SNX2: variants seen among roughly 807,000 people sequenced by gnomAD.
The protein encoded by SNX2 is sorting nexin 2, also known as sorting nexin-2.
A neutral mutation model predicts 69.9 loss-of-function variants in SNX2; 25 were observed. The ratio of observed to expected loss-of-function variants is 0.36; its 90% CI spans 0.26 to 0.50. The LOEUF (loss-of-function observed/expected upper bound fraction) is 0.50. SNX2 is among the 20% of genes least tolerant of loss of function. SNX2 has a pLI of 0.97. For missense variants in SNX2, 551 were observed against 613.3 expected (o/e 0.90, Z 1.07); for synonymous variants, 229 against 200.4 (o/e 1.14, Z -1.20).
At chr5:122,811,598 G>A (rs1753778850) in intron 7 of SNX2, among the ~76,000 whole-genome samples, 1 of 152,076 alleles carries the variant, frequency 6.6e-6, no homozygotes, top group Non-Finnish European at 1.5e-5. Flanking sequence ...TTGGGAGGCT[G>A]AGGTGGGTGG....
At chr5:122,805,415 A>T (rs549459570) in intron 6 of SNX2, among the ~76,000 whole-genome samples, 61 of 152,126 alleles carry the variant, frequency 4.0e-4, no homozygotes, top group Non-Finnish European at 6.3e-4. Context: ...TGGAGCCACC[A>T]TGCTCAGCCA....
Position 122,818,807 on chromosome 5 carries a change from T to C in SNX2, c.1007-11T>C. ...GAACACTAAAATTGCATACTTTTTT[T>C]TAAATTTCAGAACTTTCAGCCAACA... On this transcript the variant is annotated splice_polypyrimidine_tract_variant and intron_variant, in intron 10 of 14. Coordinates refer to ENST00000379516, the MANE Select transcript of SNX2 (RefSeq NM_003100.4). 6.2e-7 allele frequency: 1 copy of C among 1,605,222 alleles called. No homozygotes were observed. Among genetic ancestry groups the C allele is most frequent in the African/African-American group, 1.3e-5 (1 of 74,688 alleles).
At chr5:122,801,344 C>T (rs1197996792) in intron 3 of SNX2, among the ~76,000 whole-genome samples, 2 of 152,122 alleles carry the variant, frequency 1.3e-5, no homozygotes, top group African/African-American at 4.8e-5. Flanking sequence ...GTGGTTCACG[C>T]CTGTAATCCC....
At position 122,775,125 on chromosome 5, in the gene SNX2, C is replaced by T. The variant is rs1338652498; in HGVS notation, c.22C>T (p.Pro8Ser). The change falls in exon 1 of 15, where the codon CCT becomes TCT. Residue 8 changes from proline (P) to serine (S), a missense_variant. This residue lies in a region of SNX2 where 191 missense variants were observed against 162.9 expected (regional missense o/e 1.17). Coordinates refer to ENST00000379516, the MANE Select transcript of SNX2 (RefSeq NM_003100.4). ...GAAGATGGCGGCCGAGAGGGAACCT[C>T]CTCCGCTGGGGGACGGGAAGCCCAC... MAAEREP[P>S]PLGDGKPTDF... 6.3e-7 allele frequency: 1 copy of T among 1,593,082 alleles called. No homozygotes were observed. The highest frequency in any genetic ancestry group is 1.2e-5 in the South Asian group (1 of 86,772).
chr5:122,775,692 C>G, intron 1 of SNX2: 1 of 986,072 alleles, frequency 1.0e-6, no homozygotes, highest in Non-Finnish European at 1.2e-6. Flanking sequence ...GGTGCACTTT[C>G]CCAGGAATGG....
At chr5:122,780,576 C>CTTTTT (rs57210069) in intron 1 of SNX2, among the ~76,000 whole-genome samples, 3 of 116,922 alleles carry the variant, frequency 2.6e-5, no homozygotes, top group Admixed American at 8.3e-5. Context: ...CTTTTCTTTT[C>CTTTTT]TTTTTTTTTT....
chr5:122,828,541 A>G (rs1561480366), intron 14 of SNX2, among the ~76,000 whole-genome samples: 1 of 145,012 alleles, frequency 6.9e-6, no homozygotes, highest in African/African-American at 2.5e-5. Context: ...CTTATATCCC[A>G]TTTTTTTTTG....
chr5:122,807,939 C>T (rs888816296), intron 6 of SNX2, among the ~76,000 whole-genome samples: 13 of 152,014 alleles, frequency 8.6e-5, no homozygotes, highest in African/African-American at 2.4e-5. Context: ...TTATGTATAT[C>T]GGGTTAGAAA....
chr5:122,829,785 C>T lies in SNX2; in HGVS notation c.*137C>T, dbSNP rs928820272. The T allele has an allele frequency of 5.5e-5, 19 of 343,350 alleles. No individual in the cohort carries two copies. Among genetic ancestry groups the T allele is most frequent in the Admixed American group, 8.4e-5 (2 of 23,778 alleles). 21.3% of individuals were successfully genotyped at this position (343,350 alleles called of 1,614,324 possible). On this transcript the variant is annotated 3_prime_UTR_variant, in exon 15 of 15. Transcript: ENST00000379516. ...ACATGTGGTTTTATATACACACACA[C>T]ACACACACACACACACACACACACA...
chr5:122,808,156 G>T, intron 6 of SNX2, 121 bp from the exon 7 acceptor site: 1 of 572,278 alleles, frequency 1.7e-6, no homozygotes, highest in Non-Finnish European at 3.0e-6. Flanking sequence ...TAAGATACCA[G>T]TTACAAGTTT....
At chr5:122,828,394 C>T (rs1455562858) in intron 14 of SNX2, among the ~76,000 whole-genome samples, 3 of 151,896 alleles carry the variant, frequency 2.0e-5, no homozygotes, top group Non-Finnish European at 4.4e-5. Context: ...GTCATATAAG[C>T]TTGTTTTTAA....
At chr5:122,790,707 G>A (rs924144080) in intron 1 of SNX2, among the ~76,000 whole-genome samples, 4 of 152,202 alleles carry the variant, frequency 2.6e-5, no homozygotes, top group Non-Finnish European at 5.9e-5. Flanking sequence ...GAGAGAAAGG[G>A]TAGAAGATAG....
chr5:122,817,477 GAA>G (rs1753924206), intron 10 of SNX2, 104 bp downstream of exon 10: 3 of 736,626 alleles, frequency 4.1e-6, no homozygotes, highest in Non-Finnish European at 6.3e-6. Flanking sequence ...GCAGAAGAGA[GAA>G]AACAATCATT....
chr5:122,828,912 A>T (rs1168140467), intron 14 of SNX2, among the ~76,000 whole-genome samples: 2 of 152,058 alleles, frequency 1.3e-5, no homozygotes, highest in Admixed American at 6.5e-5. Flanking sequence ...TGAGGTCAGG[A>T]GTTTAAGACC....
chr5:122,788,008 G>A (rs1018762772), intron 1 of SNX2, among the ~76,000 whole-genome samples: 2 of 151,978 alleles, frequency 1.3e-5, no homozygotes, highest in African/African-American at 4.8e-5. Context: ...TTTACCCAAG[G>A]TTTGCTCTTG....
Position 122,829,500 on chromosome 5 carries a change from C to T in SNX2, c.1510-98C>T, listed in dbSNP as rs113648288. 50 of 923,946 alleles carry T rather than the reference C, an allele frequency of 5.4e-5. 1 individual carries two copies. Among genetic ancestry groups the T allele is most frequent in the African/African-American group, 3.2e-4 (19 of 60,106 alleles). The allele number at this position is 923,946 out of a possible 1,614,324, so 57.2% of individuals were successfully genotyped here. On this transcript the variant is annotated intron_variant, in intron 14 of 14. Coordinates refer to ENST00000379516, the MANE Select transcript of SNX2 (RefSeq NM_003100.4). Reference sequence around the variant, plus strand: ...AATTATAGGTGTGAGCTACCCAGCCCGGCTTATGTAGATTTTTTTTTAATG... The same window carrying T: ...AATTATAGGTGTGAGCTACCCAGCCTGGCTTATGTAGATTTTTTTTTAATG...
intron 1 of SNX2, among the ~76,000 whole-genome samples, chr5:122,780,394 G>T (rs72794679): frequency 0.13 from 19,044 of 152,114 alleles, 1,506 homozygotes; most frequent in East Asian, 0.36. Context: ...GAAGACTGGG[G>T]TGACTTGATT....
intron 10 of SNX2, 113 bp from the exon 11 acceptor site, chr5:122,818,705 T>C: frequency 1.3e-6 from 1 of 794,632 alleles, no homozygotes; most frequent in Non-Finnish European, 1.9e-6. Context: ...TTTAAAATAT[T>C]ATTTGAGCAA....
chr5:122,803,797 ATTTTCTAACACTTGAGGATTTTTG>A, intron 6 of SNX2, 184 bp downstream of exon 6: 5 of 497,566 alleles, frequency 1.0e-5, no homozygotes, highest in Non-Finnish European at 1.4e-5. Context: ...TAATAGTTTT[ATTTTCTAACACTTGAGGATTTTTG>A]TTTATGTAAT....
Sources: gnomAD v4.1 joint callset for allele counts (sites outside exome capture counted in the v4.1 genomes callset) on GRCh38, gnomAD v4.1.1 for gene constraint, gnomAD v4.1.1 regional missense constraint, MANE v1.5 for transcripts, NCBI Gene and HGNC (gene_info 2026-07-23, HGNC 2026-07-21) for gene names.